ALG14: variants seen among roughly 807,000 people sequenced by gnomAD.
The protein encoded by ALG14 is ALG14 UDP-N-acetylglucosaminyltransferase subunit, also known as UDP-N-acetylglucosamine transferase subunit ALG14.
Under a neutral mutation model 22.8 loss-of-function variants are expected in ALG14, and 17 were observed. The observed-to-expected ratio is 0.75, with a 90% CI of 0.51 to 1.12. The LOEUF (loss-of-function observed/expected upper bound fraction) is 1.12. Among genes scored for constraint, ALG14 ranks in the 50% most tolerant of loss-of-function variants. The probability of loss-of-function intolerance (pLI) is 0.00; values close to 1 mark genes in which losing one functional copy is unlikely to be tolerated. For synonymous variants in ALG14, 89 were observed against 103.7 expected (o/e 0.86, Z 0.86); for missense variants, 288 against 271.8 (o/e 1.06, Z -0.42).
At chr1:95,047,532 C>T (rs1030306251) in intron 2 of ALG14, among the ~76,000 whole-genome samples, 9 of 151,980 alleles carry the variant, frequency 5.9e-5, no homozygotes, top group South Asian at 2.1e-4. Flanking sequence ...TTGGTAGACA[C>T]GGGGTTTCAC....
chr1:95,004,228 T>C (rs2100740020), intron 3 of ALG14, among the ~76,000 whole-genome samples: 1 of 148,392 alleles, frequency 6.7e-6, no homozygotes, highest in African/African-American at 2.5e-5. Flanking sequence ...TTTTTTTTTT[T>C]TTTTTTTTTT....
At chr1:95,031,802 C>T (rs986062082) in intron 2 of ALG14, among the ~76,000 whole-genome samples, 3 of 152,168 alleles carry the variant, frequency 2.0e-5, no homozygotes, top group Admixed American at 6.5e-5. Flanking sequence ...ATAACTTACA[C>T]AAGGAGGCCA....
chr1:95,031,268 C>A (rs539156563), intron 2 of ALG14, among the ~76,000 whole-genome samples: 4 of 152,312 alleles, frequency 2.6e-5, no homozygotes, highest in African/African-American at 9.6e-5. Context: ...AGTCAGAGGG[C>A]AGGATACTTG....
chr1:94,985,938 A>C (rs1672629231), intron 3 of ALG14, among the ~76,000 whole-genome samples: 1 of 152,212 alleles, frequency 6.6e-6, no homozygotes, highest in East Asian at 1.9e-4. Context: ...AATCTAAGGA[A>C]AGCTACTTTT....
intron 2 of ALG14, among the ~76,000 whole-genome samples, chr1:95,053,437 T>C (rs534095003): frequency 2.0e-4 from 30 of 152,164 alleles, no homozygotes; most frequent in Non-Finnish European, 3.7e-4. Flanking sequence ...ATTCACTACG[T>C]AGAATCAAAT....
chr1:95,011,529 C>T (rs931114079), intron 3 of ALG14, among the ~76,000 whole-genome samples: 2 of 151,836 alleles, frequency 1.3e-5, no homozygotes, highest in Non-Finnish European at 2.9e-5. Context: ...GGGTTCACGC[C>T]ATTCTCCTGC....
intron 3 of ALG14, among the ~76,000 whole-genome samples, chr1:94,984,355 T>C (rs1672582947): frequency 1.3e-5 from 2 of 152,160 alleles, no homozygotes; most frequent in South Asian, 2.1e-4. Context: ...ATATTGTTTA[T>C]ACCACCCCAG....
chr1:95,003,339 A>G (rs1673116504), intron 3 of ALG14, among the ~76,000 whole-genome samples: 1 of 152,198 alleles, frequency 6.6e-6, no homozygotes, highest in African/African-American at 2.4e-5. Flanking sequence ...GGAAGATACA[A>G]GTCAAAGTCC....
chr1:95,025,548 G>A (rs1371192814), intron 3 of ALG14, among the ~76,000 whole-genome samples: 2 of 152,216 alleles, frequency 1.3e-5, no homozygotes, highest in Non-Finnish European at 2.9e-5. Context: ...GAATGACATC[G>A]TCGAATATAA....
intron 2 of ALG14, among the ~76,000 whole-genome samples, chr1:95,061,002 GA>G (rs1339870701): frequency 6.6e-6 from 1 of 152,202 alleles, no homozygotes; most frequent in Non-Finnish European, 1.5e-5. Flanking sequence ...CAGAGATACA[GA>G]AAAGGTCATA....
intron 3 of ALG14, among the ~76,000 whole-genome samples, chr1:94,984,945 CT>C (rs970715927): frequency 6.6e-5 from 10 of 150,956 alleles, no homozygotes; most frequent in East Asian, 1.9e-4. Context: ...TCTTTTTTTT[CT>C]TTTTTTTGTT....
chr1:95,036,066 C>G (rs1674183568), intron 2 of ALG14, among the ~76,000 whole-genome samples: 1 of 152,104 alleles, frequency 6.6e-6, no homozygotes, highest in Admixed American at 6.6e-5. Context: ...ATATGTCCTT[C>G]AAGTACTTGG....
chr1:95,064,723 G>T (rs1675294615), intron 2 of ALG14, 143 bp downstream of exon 2: 3 of 660,474 alleles, frequency 4.5e-6, no homozygotes, highest in Non-Finnish European at 7.2e-6. Context: ...TCTTTTGGTA[G>T]CAAAGGAAAT....
At chr1:95,048,569 A>T (rs1674646057) in intron 2 of ALG14, among the ~76,000 whole-genome samples, 1 of 152,122 alleles carries the variant, frequency 6.6e-6, no homozygotes, top group African/African-American at 2.4e-5. Context: ...CTGCTGAAAC[A>T]TGGCCTATTG....
intron 3 of ALG14, among the ~76,000 whole-genome samples, chr1:94,998,983 A>T (rs959190256): frequency 6.6e-6 from 1 of 152,152 alleles, no homozygotes; most frequent in Non-Finnish European, 1.5e-5. Flanking sequence ...TTACTCATAC[A>T]TTGTTAGGTG....
chr1:95,003,358 G>C (rs934772465), intron 3 of ALG14, among the ~76,000 whole-genome samples: 1 of 152,100 alleles, frequency 6.6e-6, no homozygotes, highest in Non-Finnish European at 1.5e-5. Context: ...CCAAAACACA[G>C]GGGTTTGCAG....
intron 3 of ALG14, among the ~76,000 whole-genome samples, chr1:95,012,448 G>A (rs192152073): frequency 2.6e-5 from 4 of 152,136 alleles, no homozygotes; most frequent in African/African-American, 4.8e-5. Flanking sequence ...CAGTTGTTTC[G>A]TCTTATTAGA....
intron 1 of ALG14, among the ~76,000 whole-genome samples, chr1:95,068,854 T>G (rs533798251): frequency 6.6e-6 from 1 of 152,312 alleles, no homozygotes; most frequent in East Asian, 1.9e-4. Context: ...CACTATCAAG[T>G]GAATGGTTCT....
chr1:95,065,054 C>G, intron 1 of ALG14, 37 bp from the exon 2 acceptor site: 1 of 1,576,438 alleles, frequency 6.3e-7, no homozygotes, highest in Non-Finnish European at 8.6e-7. Flanking sequence ...ATTAAGAAAC[C>G]CACAATGGAC....
Sources: allele counts gnomAD v4.1 joint callset (sites outside exome capture counted in the v4.1 genomes callset), GRCh38; gene constraint gnomAD v4.1.1; transcripts MANE v1.5; gene names NCBI Gene and HGNC (gene_info 2026-07-23, HGNC 2026-07-21).